OLFML2B: variants seen among roughly 807,000 people sequenced by gnomAD.
OLFML2B encodes olfactomedin like 2B, also known as olfactomedin-like protein 2B.
In OLFML2B, 57 loss-of-function variants were observed where a neutral mutation model predicts 74.9. The observed-to-expected ratio is 0.76, with a 90% CI of 0.61 to 0.95. The LOEUF (loss-of-function observed/expected upper bound fraction) is 0.95. Ranked by LOEUF, OLFML2B falls within the 40% of genes least tolerant of loss-of-function variation. The pLI is 0.00. For missense variants in OLFML2B, 986 were observed against 970.6 expected (o/e 1.02, Z -0.21); for synonymous variants, 388 against 405.8 (o/e 0.96, Z 0.53).
At chr1:162,021,207 C>G (rs564109903) in intron 1 of OLFML2B, among the ~76,000 whole-genome samples, 2 of 152,310 alleles carry the variant, frequency 1.3e-5, no homozygotes, top group Admixed American at 1.3e-4. Flanking sequence ...AGAGGCAGGT[C>G]CAGAAGTTAG....
rs753782895 is a variant in OLFML2B at position 161,983,944 on chromosome 1, T to A, written c.1984A>T (p.Thr662Ser). ...CTCCGGAGCCCCGTGCGCCATGTGG[T>A]CTCCTTCTGTGTGCTCAGGTCCGCG... is the stretch of plus-strand genomic sequence containing the variant. The part of the protein sequence containing the change: ...NAADLSTQKE[T>S]TWRTGLRRNF... Residue 662 changes from threonine to serine, a missense_variant, in exon 8 of 8, where the codon ACC becomes TCC. Coordinates refer to ENST00000294794, the MANE Select transcript of OLFML2B (RefSeq NM_015441.3). 1 of 1,614,174 alleles carries A rather than the reference T, an allele frequency of 6.2e-7. No homozygotes were observed. Among genetic ancestry groups the A allele is most frequent in the South Asian group, 1.1e-5 (1 of 91,082 alleles).
chr1:161,998,466 G>C, intron 5 of OLFML2B, 117 bp from the exon 6 acceptor site: 4 of 1,130,944 alleles, frequency 3.5e-6, no homozygotes, highest in Non-Finnish European at 5.0e-6. Flanking sequence ...ACGACGGCTT[G>C]AGTTACAGAG....
chr1:162,001,940 G>A (rs904934158), intron 4 of OLFML2B, among the ~76,000 whole-genome samples: 10 of 152,338 alleles, frequency 6.6e-5, no homozygotes, highest in Admixed American at 5.9e-4. Context: ...GGATGGCGCT[G>A]TGAGAGTGCC....
intron 6 of OLFML2B, among the ~76,000 whole-genome samples, chr1:161,993,947 C>T (rs1043036341): frequency 5.9e-5 from 9 of 152,330 alleles, no homozygotes; most frequent in Admixed American, 5.2e-4. Context: ...CAGCCGAGCA[C>T]GCTGTAGTGG....
intron 5 of OLFML2B, among the ~76,000 whole-genome samples, chr1:161,999,645 T>C (rs1020754363): frequency 2.0e-5 from 3 of 151,766 alleles, no homozygotes; most frequent in African/African-American, 7.3e-5. Context: ...GGAAACAAGG[T>C]AAACGTGATG....
chr1:161,994,125 G>T (rs1689820880), intron 6 of OLFML2B, among the ~76,000 whole-genome samples: 1 of 152,258 alleles, frequency 6.6e-6, no homozygotes. Flanking sequence ...GAGCAAGTTG[G>T]GTTAGGAGCA....
chr1:162,003,209 TG>T (rs1690127965), intron 4 of OLFML2B, among the ~76,000 whole-genome samples: 1 of 152,188 alleles, frequency 6.6e-6, no homozygotes, highest in Non-Finnish European at 1.5e-5. Flanking sequence ...CTCCGGGTCA[TG>T]GTCTGGCTCC....
intron 3 of OLFML2B, among the ~76,000 whole-genome samples, chr1:162,016,028 G>A (rs1229139897): frequency 2.0e-5 from 3 of 152,200 alleles, no homozygotes; most frequent in Non-Finnish European, 4.4e-5. Context: ...TAAGCCCAAG[G>A]GCGGGTGGAA....
chr1:161,990,927 T>C (rs1477704579), intron 6 of OLFML2B, among the ~76,000 whole-genome samples: 2 of 152,214 alleles, frequency 1.3e-5, no homozygotes, highest in Non-Finnish European at 2.9e-5. Context: ...AGGTTCCATA[T>C]CAAGAAACCA....
Position 161,984,884 on chromosome 1 carries a change from T to A in OLFML2B, c.1571A>T (p.Lys524Met). The change falls in exon 7 of 8, where the codon AAG (lysine) becomes ATG (methionine). Residue 524 changes from lysine to methionine, a missense_variant. Transcript: ENST00000294794. ...EGAWMKDPLA[K>M]DERIYVTNYY... Reference sequence around the variant, plus strand: ...GTTGGTTACGTAAATCCGCTCATCCTTGGCCAGGGGGTCCTTCATCCAGGC... The same window carrying A: ...GTTGGTTACGTAAATCCGCTCATCCATGGCCAGGGGGTCCTTCATCCAGGC... The A allele has an allele frequency of 6.2e-7, 1 of 1,612,904 alleles. No individual in the cohort carries two copies.
chr1:161,989,103 AGTTT>A (rs1266320530), intron 6 of OLFML2B, among the ~76,000 whole-genome samples: 1 of 152,158 alleles, frequency 6.6e-6, no homozygotes, highest in Non-Finnish European at 1.5e-5. Context: ...CAATTGCGCC[AGTTT>A]GTCTCTCTGG....
At chr1:162,014,584 C>G (rs1690479553) in intron 3 of OLFML2B, among the ~76,000 whole-genome samples, 1 of 152,218 alleles carries the variant, frequency 6.6e-6, no homozygotes, top group Admixed American at 6.5e-5. Flanking sequence ...ACTTCCATTC[C>G]TCCTGCAGAA....
intron 1 of OLFML2B, 22 bp downstream of exon 1, chr1:162,023,235 G>C (rs1195578451): frequency 6.7e-7 from 1 of 1,486,038 alleles, no homozygotes; most frequent in Admixed American, 2.0e-5. Context: ...AAGAAGGGCG[G>C]TCGTGGCACT....
Position 162,017,395 on chromosome 1 carries a change from C to T in OLFML2B, c.546+5G>A. On this transcript the variant is annotated splice_donor_5th_base_variant and intron_variant, in intron 3 of 7. Coordinates refer to ENST00000294794, the MANE Select transcript of OLFML2B (RefSeq NM_015441.3). ...AAAAGATATAGAAACCAGAATCTTC[C>T]TTACCTCCTCCAGTTTATCCACTCG... 1.2e-6 allele frequency: 2 copies of T among 1,607,180 alleles called. No individual in the cohort carries two copies. The highest frequency in any genetic ancestry group is 1.7e-6 in the Non-Finnish European group (2 of 1,175,044).
At chr1:161,988,545 C>A (rs1203627864) in intron 6 of OLFML2B, among the ~76,000 whole-genome samples, 2 of 149,866 alleles carry the variant, frequency 1.3e-5, no homozygotes, top group South Asian at 2.2e-4. Context: ...AGCCACCCCC[C>A]ACCCCCGCTG....
At chr1:162,015,211 AAACTGTTTT>A (rs1305797115) in intron 3 of OLFML2B, among the ~76,000 whole-genome samples, 1 of 152,214 alleles carries the variant, frequency 6.6e-6, no homozygotes, top group African/African-American at 2.4e-5. Context: ...GATGTAACTA[AAACTGTTTT>A]TTGCAAAAAC....
intron 1 of OLFML2B, among the ~76,000 whole-genome samples, chr1:162,022,244 C>CTTTTTTTTTTTTTTTTTTTTTTT (rs56395023): frequency 9.7e-4 from 69 of 70,770 alleles, no homozygotes; most frequent in African/African-American, 1.6e-3. Context: ...TGTATCTCTT[C>CTTTTTTTTTTTTTTTTTTTTTTT]TTTTTTTTTT....
rs77617575 is a variant in OLFML2B at position 162,014,792 on chromosome 1, G to C, written c.546+2608C>G. Among the ~76,000 whole-genome samples the C allele has an allele frequency of 2.2e-3, 342 of 152,336 alleles. 10 individuals carry two copies. In the East Asian group the frequency reaches 0.032, roughly 14 times the overall value. On this transcript the variant is annotated intron_variant, in intron 3 of 7. Transcript: ENST00000294794. ...GCACCCTATCACCTTAGGCTGTCTGGTTTGGGGAAACCTCCTTCCCGAACT... is the reference window on the plus strand; with the variant it reads ...GCACCCTATCACCTTAGGCTGTCTGCTTTGGGGAAACCTCCTTCCCGAACT...
chr1:162,000,819 A>G (rs1221484240), intron 4 of OLFML2B, among the ~76,000 whole-genome samples: 1 of 152,178 alleles, frequency 6.6e-6, no homozygotes, highest in Non-Finnish European at 1.5e-5. Flanking sequence ...AAGGACCAGG[A>G]TGCACACCGC....
Sources: gnomAD v4.1 joint callset for allele counts (sites outside exome capture counted in the v4.1 genomes callset) on GRCh38, gnomAD v4.1.1 for gene constraint, MANE v1.5 for transcripts, NCBI Gene and HGNC (gene_info 2026-07-23, HGNC 2026-07-21) for gene names.